ELP1: variants seen among roughly 807,000 people sequenced by gnomAD.
The protein encoded by ELP1 is elongator complex protein 1.
Under a neutral mutation model 183.2 loss-of-function variants are expected in ELP1, and 131 were observed. That is an observed-to-expected ratio of 0.72 (90% CI 0.62 to 0.83). The LOEUF (loss-of-function observed/expected upper bound fraction) is 0.83. ELP1 is among the 40% of genes least tolerant of loss of function. ELP1 has a pLI of 0.00. For synonymous variants in ELP1, 555 were observed against 569.0 expected, an observed-to-expected ratio of 0.98 and a Z score of 0.35; for missense variants, 1,550 against 1,594.9, an observed-to-expected ratio of 0.97 and a Z score of 0.48.
intron 14 of ELP1, among the ~76,000 whole-genome samples, 154 bp from the exon 15 acceptor site, chr9:108,903,823 A>C (rs540888110): frequency 9.5e-4 from 47 of 49,346 alleles, no homozygotes; most frequent in Non-Finnish European, 3.7e-4. Context: ...ACCCAATACT[A>C]TACACACACA....
chr9:108,908,454 C>T (rs867466524), intron 12 of ELP1, 50 bp from the exon 13 acceptor site: 5 of 1,371,650 alleles, frequency 3.6e-6, no homozygotes, highest in Non-Finnish European at 5.2e-6. Context: ...AAGATTTCAC[C>T]TAATACTAAG....
At chr9:108,905,325 G>C (rs1828978820) in intron 14 of ELP1, among the ~76,000 whole-genome samples, 1 of 152,196 alleles carries the variant, frequency 6.6e-6, no homozygotes, top group Non-Finnish European at 1.5e-5. Flanking sequence ...GGACAAAGGT[G>C]CCAAGTATTG....
intron 1 of ELP1, 64 bp downstream of exon 1, chr9:108,933,800 T>C: frequency 6.5e-6 from 1 of 152,916 alleles, no homozygotes; most frequent in Non-Finnish European, 1.5e-5. Flanking sequence ...CCGGGTCTCC[T>C]TCACCCGGAC....
intron 15 of ELP1, 86 bp from the exon 16 acceptor site, chr9:108,903,028 A>T (rs1828871236): frequency 1.1e-6 from 1 of 876,992 alleles, no homozygotes; most frequent in Non-Finnish European, 1.9e-6. Flanking sequence ...AAAACACTTA[A>T]CATGCAATTT....
At chr9:108,899,938 A>G (rs1554696113) in intron 19 of ELP1, 43 bp from the exon 20 acceptor site, 2 of 1,482,988 alleles carry the variant, frequency 1.3e-6, no homozygotes, top group South Asian at 2.3e-5. Flanking sequence ...TAAGTAGAAA[A>G]CATTTAAATA....
At position 108,880,346 on chromosome 9, in the gene ELP1, T is replaced by C. The variant is rs56255674; in HGVS notation, c.3347-181A>G. ...AATTAGAGACTGAGATTCCAGATCT[T>C]AGAGTTCATCAACATTATCCCAGAA... On this transcript the variant is annotated intron_variant, in intron 31 of 36. Transcript: ENST00000374647. Among the ~76,000 whole-genome samples, 8,067 of 152,208 alleles carry C rather than the reference T, an allele frequency of 0.053. 325 individuals carry two copies. The highest frequency in any genetic ancestry group is 0.12 in the South Asian group (601 of 4,814).
intron 29 of ELP1, among the ~76,000 whole-genome samples, chr9:108,883,946 CA>C (rs1189728965): frequency 1.3e-5 from 2 of 151,418 alleles, no homozygotes; most frequent in Admixed American, 1.3e-4. Flanking sequence ...TAATCACATT[CA>C]ATGCAAATGT....
chr9:108,901,774 T>G (rs760972870), intron 16 of ELP1, 93 bp from the exon 17 acceptor site: 9 of 1,203,590 alleles, frequency 7.5e-6, no homozygotes. Context: ...CCCTATGATT[T>G]CACACCTAAG....
intron 35 of ELP1, among the ~76,000 whole-genome samples, chr9:108,877,287 T>C (rs796203933): frequency 7.2e-5 from 11 of 152,348 alleles, no homozygotes; most frequent in African/African-American, 2.4e-4. Flanking sequence ...CCTTCCTCTG[T>C]ATTTCCCTTT....
intron 10 of ELP1, among the ~76,000 whole-genome samples, chr9:108,914,682 G>T (rs1465823181): frequency 6.6e-6 from 1 of 152,026 alleles, no homozygotes; most frequent in East Asian, 1.9e-4. Context: ...GGAGTGCAGT[G>T]GCACGATCTC....
At chr9:108,913,050 G>A (rs1250668080) in intron 10 of ELP1, among the ~76,000 whole-genome samples, 1 of 151,976 alleles carries the variant, frequency 6.6e-6, no homozygotes, top group Non-Finnish European at 1.5e-5. Context: ...CTGAGCCACC[G>A]TGCCTGGCCC....
At chr9:108,869,224 T>C (rs368239656) in intron 36 of ELP1, 42 bp from the exon 37 acceptor site, 7 of 1,549,652 alleles carry the variant, frequency 4.5e-6, no homozygotes, top group Admixed American at 1.7e-5. Flanking sequence ...AGACATACTC[T>C]TGTTGGAGGG....
intron 27 of ELP1, among the ~76,000 whole-genome samples, chr9:108,891,765 T>C (rs777966256): frequency 6.6e-6 from 1 of 152,130 alleles, no homozygotes; most frequent in Non-Finnish European, 1.5e-5. Context: ...GTCTATAGCA[T>C]AATGGCAAAC....
At chr9:108,895,109 C>A (rs533099354) in intron 25 of ELP1, among the ~76,000 whole-genome samples, 112 of 152,210 alleles carry the variant, frequency 7.4e-4, no homozygotes, top group African/African-American at 2.6e-3. Context: ...CTTAGCCGGG[C>A]ATGGTGGTGC....
chr9:108,913,628 A>ATG (rs373151164), intron 10 of ELP1, among the ~76,000 whole-genome samples: 1,802 of 151,296 alleles, frequency 0.012, 41 homozygotes, highest in African/African-American at 0.039. Flanking sequence ...TTCTTGTGCA[A>ATG]TGTGTGTGTG....
At chr9:108,911,251 C>T (rs1443771329) in intron 11 of ELP1, 71 bp from the exon 12 acceptor site, 15 of 1,365,932 alleles carry the variant, frequency 1.1e-5, no homozygotes, top group Non-Finnish European at 1.6e-5. Flanking sequence ...ATCTGAACAT[C>T]ACAGTATATC....
At chr9:108,933,475 C>T (rs1161822700) in intron 1 of ELP1, among the ~76,000 whole-genome samples, 1 of 152,238 alleles carries the variant, frequency 6.6e-6, no homozygotes, top group African/African-American at 2.4e-5. Flanking sequence ...GATGGAGAAG[C>T]ACAGAGGACA....
intron 1 of ELP1, among the ~76,000 whole-genome samples, chr9:108,931,694 T>C (rs1284702380): frequency 6.6e-6 from 1 of 152,228 alleles, no homozygotes; most frequent in Non-Finnish European, 1.5e-5. Context: ...ACTGGTTTTA[T>C]ACATTCATAA....
rs557965862 is a variant in ELP1 at position 108,869,088 on chromosome 9, T to C, written c.*27A>G. On this transcript the variant is annotated 3_prime_UTR_variant, in exon 37 of 37. Coordinates refer to ENST00000374647, the MANE Select transcript of ELP1 (RefSeq NM_003640.5). The stretch of plus-strand genomic sequence containing the variant: ...AGGAATGAGTGGAAATGGTCTTCTC[T>C]GTCGGATCCCTCCTAACTGCAGTCA... 6.2e-6 allele frequency: 10 copies of C among 1,603,286 alleles called. No individual in the cohort carries two copies. Among genetic ancestry groups the C allele is most frequent in the African/African-American group, 1.3e-5 (1 of 74,852 alleles).
Sources: gnomAD v4.1 joint callset for allele counts (sites outside exome capture counted in the v4.1 genomes callset) on GRCh38, gnomAD v4.1.1 for gene constraint, MANE v1.5 for transcripts, NCBI Gene and HGNC (gene_info 2026-07-23, HGNC 2026-07-21) for gene names.